Variants in PAPPA2 observed in about 807,000 individuals in gnomAD.
The protein encoded by PAPPA2 is pappalysin-2.
Under a neutral mutation model 176.4 loss-of-function variants are expected in PAPPA2, and 86 were observed. The ratio of observed to expected loss-of-function variants is 0.49; its 90% CI spans 0.41 to 0.58. The LOEUF is 0.58. Ranked by LOEUF, PAPPA2 falls within the 20% of genes least tolerant of loss-of-function variation. The probability of loss-of-function intolerance (pLI) is 0.00; values close to 1 mark genes in which losing one functional copy is unlikely to be tolerated. For missense variants in PAPPA2, 2,073 were observed against 2,256.9 expected (o/e 0.92, Z 1.65); for synonymous variants, 809 against 852.2 (o/e 0.95, Z 0.88).
intron 4 of PAPPA2, 65 bp from the exon 5 acceptor site, chr1:176,690,072 A>G: frequency 1.5e-6 from 2 of 1,378,930 alleles, no homozygotes; most frequent in Non-Finnish European, 2.0e-6. Flanking sequence ...ATCAGAAAAC[A>G]TAATTAAGGA....
At chr1:176,538,232 G>C (rs1429531566) in intron 1 of PAPPA2, among the ~76,000 whole-genome samples, 2 of 152,062 alleles carry the variant, frequency 1.3e-5, no homozygotes, top group African/African-American at 4.8e-5. Context: ...TTCCCCAACA[G>C]TTGGGATGGA....
chr1:176,662,183 A>G (rs1311653929), intron 3 of PAPPA2, among the ~76,000 whole-genome samples: 2 of 152,142 alleles, frequency 1.3e-5, no homozygotes, highest in African/African-American at 4.8e-5. Flanking sequence ...AAAACTTACA[A>G]TCTATGTGAT....
chr1:176,726,489 T>A (rs1661882758), intron 12 of PAPPA2, among the ~76,000 whole-genome samples: 1 of 152,206 alleles, frequency 6.6e-6, no homozygotes, highest in Admixed American at 6.5e-5. Flanking sequence ...AGTCTTAGCC[T>A]TGGCAATGGG....
chr1:176,712,031 G>A (rs755471750), intron 12 of PAPPA2, 50 bp downstream of exon 12: 31 of 284,340 alleles, frequency 1.1e-4, no homozygotes, highest in Non-Finnish European at 1.4e-4. Flanking sequence ...GTAAGCATAT[G>A]TGTGTGTGTG....
At chr1:176,515,631 T>G (rs148272883) in intron 1 of PAPPA2, among the ~76,000 whole-genome samples, 379 of 152,316 alleles carry the variant, frequency 2.5e-3, no homozygotes, top group African/African-American at 8.4e-3. Context: ...ATCTTGTCCC[T>G]GTGACCCCTC....
Position 176,767,379 on chromosome 1 carries a change from G to A in PAPPA2, c.4323+1542G>A, listed in dbSNP as rs529758619. On this transcript the variant is annotated intron_variant, in intron 15 of 22. Coordinates refer to ENST00000367662, the MANE Select transcript of PAPPA2 (RefSeq NM_020318.3). ...TTTTGAGACGGAGTCTCGCTCTGTC[G>A]CCCAGGCTGGAGTGCAATGGCACGA... Among the ~76,000 whole-genome samples, 18 of 152,134 alleles carry A rather than the reference G, an allele frequency of 1.2e-4. No individual in the cohort carries two copies. The East Asian group carries it at 3.1e-3, about 26-fold the overall frequency.
intron 21 of PAPPA2, among the ~76,000 whole-genome samples, chr1:176,819,186 A>T (rs1380012575): frequency 6.6e-6 from 1 of 152,208 alleles, no homozygotes. Flanking sequence ...GGTCAGCAGC[A>T]GGGTAGTGAT....
chr1:176,639,516 A>G (rs1006893799), intron 3 of PAPPA2, among the ~76,000 whole-genome samples: 1 of 152,064 alleles, frequency 6.6e-6, no homozygotes, highest in Non-Finnish European at 1.5e-5. Flanking sequence ...TAAATTTTCA[A>G]ACAGTAAAGG....
At chr1:176,474,004 G>A (rs1453457227) in intron 1 of PAPPA2, among the ~76,000 whole-genome samples, 3 of 152,172 alleles carry the variant, frequency 2.0e-5, no homozygotes, top group Non-Finnish European at 4.4e-5. Context: ...TTTTGGAACA[G>A]GTGGCTAGAA....
chr1:176,766,487 A>C (rs1313429548), intron 15 of PAPPA2, among the ~76,000 whole-genome samples: 1 of 152,236 alleles, frequency 6.6e-6, no homozygotes, highest in Non-Finnish European at 1.5e-5. Context: ...GTAACTTTGG[A>C]TTAAAAAATA....
intron 1 of PAPPA2, among the ~76,000 whole-genome samples, chr1:176,488,518 TA>T (rs1652746541): frequency 6.6e-6 from 1 of 152,142 alleles, no homozygotes; most frequent in African/African-American, 2.4e-5. Context: ...CTGTATGACT[TA>T]ATACCAGCCC....
At chr1:176,777,670 G>A (rs1212376079) in intron 17 of PAPPA2, among the ~76,000 whole-genome samples, 1 of 152,078 alleles carries the variant, frequency 6.6e-6, no homozygotes, top group African/African-American at 2.4e-5. Context: ...TTACTGATCT[G>A]TAGTGAACAT....
rs1387946476 is a variant in PAPPA2 at position 176,699,389 on chromosome 1, C to A, written c.3036C>A (p.His1012Gln). 1 of 1,614,004 alleles carries A rather than the reference C, an allele frequency of 6.2e-7. No individual in the cohort carries two copies. The highest frequency in any genetic ancestry group is 8.5e-7 in the Non-Finnish European group (1 of 1,179,996). The change falls in exon 8 of 23, where the codon CAC becomes CAA. Residue 1012 changes from histidine (H) to glutamine (Q), a missense_variant. Physicochemically the swap from His to Gln is conservative, Grantham distance 24 (BLOSUM62 0). Coordinates refer to ENST00000367662, the MANE Select transcript of PAPPA2 (RefSeq NM_020318.3). Reference sequence around the variant, plus strand: ...ACATCCCACTCACCATCAAACTGCACGTGGATGGGAAGGTGTCGGGGGTGA... The same window carrying A: ...ACATCCCACTCACCATCAAACTGCAAGTGGATGGGAAGGTGTCGGGGGTGA... ...FCDIPLTIKL[H>Q]VDGKVSGVKV...
chr1:176,508,218 C>G (rs1345383170), intron 1 of PAPPA2, among the ~76,000 whole-genome samples: 1 of 152,054 alleles, frequency 6.6e-6, no homozygotes, highest in Non-Finnish European at 1.5e-5. Context: ...TAAAATTAAC[C>G]AAATGTGGCA....
At chr1:176,631,232 T>C (rs1467402697) in intron 3 of PAPPA2, among the ~76,000 whole-genome samples, 1 of 152,184 alleles carries the variant, frequency 6.6e-6, no homozygotes, top group Admixed American at 6.5e-5. Flanking sequence ...CCAGTACTGA[T>C]ACATGCTACA....
intron 17 of PAPPA2, among the ~76,000 whole-genome samples, chr1:176,775,389 C>T (rs1236105894): frequency 1.3e-5 from 2 of 152,094 alleles, no homozygotes; most frequent in Non-Finnish European, 2.9e-5. Context: ...GTTTCAAATG[C>T]TTTAGAGTGA....
chr1:176,633,473 A>G lies in PAPPA2; in HGVS notation c.1992-37497A>G, dbSNP rs145108508. 8.3e-4 allele frequency among the ~76,000 whole-genome samples: 127 copies of G among 152,348 alleles called. 1 individual carries two copies. The East Asian group carries it at 0.017, about 20-fold the overall frequency. The stretch of plus-strand genomic sequence containing the variant: ...AAAACCTGAAGAGGAATTTGGTTTA[A>G]GAGGGTAGGGAACAATTAGTGGTTA... On this transcript the variant is annotated intron_variant, in intron 3 of 22. Transcript: ENST00000367662.
chr1:176,532,886 C>T (rs998639376), intron 1 of PAPPA2, among the ~76,000 whole-genome samples: 1 of 152,160 alleles, frequency 6.6e-6, no homozygotes, highest in Non-Finnish European at 1.5e-5. Flanking sequence ...CACCTATTGC[C>T]CACCCCCTGT....
intron 14 of PAPPA2, among the ~76,000 whole-genome samples, chr1:176,748,882 T>C (rs1216555238): frequency 6.6e-6 from 1 of 152,212 alleles, no homozygotes; most frequent in Non-Finnish European, 1.5e-5. Flanking sequence ...GTAAGTACAC[T>C]CTTTGATATT....
Sources: gnomAD v4.1 joint callset for allele counts (sites outside exome capture counted in the v4.1 genomes callset) on GRCh38, gnomAD v4.1.1 for gene constraint, MANE v1.5 for transcripts, NCBI Gene and HGNC (gene_info 2026-07-23, HGNC 2026-07-21) for gene names.